ESRP1: variants seen among roughly 807,000 people sequenced by gnomAD.
ESRP1 encodes the protein epithelial splicing regulatory protein 1.
In ESRP1, 33 loss-of-function variants were observed where a neutral mutation model predicts 81.7. The ratio of observed to expected loss-of-function variants is 0.40; its 90% CI spans 0.31 to 0.54. The LOEUF is 0.54. Among genes scored for constraint, ESRP1 ranks in the 20% least tolerant of loss-of-function variants. The pLI, the probability that ESRP1 is intolerant of heterozygous loss-of-function variation, is 0.41. For synonymous variants in ESRP1, 320 were observed against 303.3 expected (o/e 1.06, Z -0.57); for missense variants, 672 against 833.1 (o/e 0.81, Z 2.38).
intron 4 of ESRP1, chr8:94,649,526 TC>T (rs1386871785): frequency 4.6e-5 from 7 of 152,152 alleles, no homozygotes; most frequent in Non-Finnish European, 1.0e-4. Flanking sequence ...ATTATTTCTT[TC>T]TTTGAGACAG....
At chr8:94,690,047 T>A (rs1001295120) in intron 13 of ESRP1, among the ~76,000 whole-genome samples, 56 of 151,798 alleles carry the variant, frequency 3.7e-4, no homozygotes, top group African/African-American at 1.3e-3. Context: ...CTCGATCTCT[T>A]GACCTCATGA....
chr8:94,665,739 C>T (rs1306555996), intron 9 of ESRP1, among the ~76,000 whole-genome samples: 2 of 152,222 alleles, frequency 1.3e-5, no homozygotes, highest in Non-Finnish European at 2.9e-5. Flanking sequence ...ATTGATCCTC[C>T]TGCCTCAGCC....
At chr8:94,675,688 T>C (rs1461112960) in intron 12 of ESRP1, among the ~76,000 whole-genome samples, 3 of 152,310 alleles carry the variant, frequency 2.0e-5, no homozygotes, top group Admixed American at 1.3e-4. Context: ...TGTCAAACAT[T>C]GTAAGATAAA....
chr8:94,681,232 A>C (rs948068828), intron 13 of ESRP1, among the ~76,000 whole-genome samples: 1 of 147,432 alleles, frequency 6.8e-6, no homozygotes, highest in Non-Finnish European at 1.5e-5. Context: ...AGGCTGAGGC[A>C]GGAGAATGGC....
Position 94,641,286 on chromosome 8 carries a change from C to T in ESRP1, c.-33C>T. On this transcript the variant is annotated 5_prime_UTR_variant, in exon 1 of 16. Coordinates refer to ENST00000433389, the MANE Select transcript of ESRP1 (RefSeq NM_017697.4). ...ACTTCCACACCACCTTACCGCCTCCCGACCCCCCCTCTCCCCCTCCCCACC... is the reference window on the plus strand; with the variant it reads ...ACTTCCACACCACCTTACCGCCTCCTGACCCCCCCTCTCCCCCTCCCCACC... 2.5e-6 allele frequency: 4 copies of T among 1,585,610 alleles called. No individual in the cohort carries two copies. Among genetic ancestry groups the T allele is most frequent in the Non-Finnish European group, 2.6e-6 (3 of 1,158,498 alleles).
Position 94,646,285 on chromosome 8 carries a change from A to G in ESRP1, c.490+3A>G. ...GGACGTTGCCACAATGACAGAGTGT[A>G]TCCTTTAAATCATTACTCAAGAATC... On this transcript the variant is annotated splice_donor_region_variant and intron_variant, in intron 4 of 15. Transcript: ENST00000433389. The G allele has an allele frequency of 6.5e-7, 1 of 1,534,776 alleles. No homozygotes were observed. Among genetic ancestry groups the G allele is most frequent in the South Asian group, 1.2e-5 (1 of 86,376 alleles).
chr8:94,696,758 T>A lies in ESRP1; in HGVS notation c.1972-94T>A, dbSNP rs1809620971. The A allele has an allele frequency of 4.3e-6, 4 of 934,804 alleles. No individual in the cohort carries two copies. In the East Asian group the frequency reaches 7.9e-5, roughly 19 times the overall value. The allele number at this position is 934,804 out of a possible 1,614,324, so 57.9% of individuals were successfully genotyped here. A position where few individuals can be genotyped will look rare whatever the true frequency, so the allele number is the denominator to read the frequency against. On this transcript the variant is annotated intron_variant, in intron 14 of 15. Coordinates refer to ENST00000433389, the MANE Select transcript of ESRP1 (RefSeq NM_017697.4). ...TTTGTTTCCTCCTATCTAAATGTCC[T>A]ATACTTTTGTTGGTAGATCTATTTA... is the stretch of plus-strand genomic sequence containing the variant.
At chr8:94,700,937 ATGTGTGTGTGTGTGTATGTG>A (rs1416410573) in intron 15 of ESRP1, among the ~76,000 whole-genome samples, 10 of 125,740 alleles carry the variant, frequency 8.0e-5, no homozygotes, top group African/African-American at 2.2e-4. Context: ...TCAAAAAAAA[ATGTGTGTGTGTGTGTATGTG>A]TGTGTGTGTG....
At chr8:94,698,773 C>G (rs1809702216) in intron 15 of ESRP1, among the ~76,000 whole-genome samples, 1 of 152,136 alleles carries the variant, frequency 6.6e-6, no homozygotes, top group African/African-American at 2.4e-5. Flanking sequence ...GGATTCTAAA[C>G]TGGAAATGAG....
At chr8:94,699,774 C>G (rs1809745837) in intron 15 of ESRP1, among the ~76,000 whole-genome samples, 1 of 152,078 alleles carries the variant, frequency 6.6e-6, no homozygotes, top group Non-Finnish European at 1.5e-5. Flanking sequence ...AACAGAGAGA[C>G]AGGTATAAAG....
chr8:94,644,619 C>A (rs1340182658), intron 3 of ESRP1, among the ~76,000 whole-genome samples: 3 of 152,126 alleles, frequency 2.0e-5, no homozygotes, highest in African/African-American at 4.8e-5. Flanking sequence ...GACGGAAGGA[C>A]AAGACTTAAT....
intron 14 of ESRP1, among the ~76,000 whole-genome samples, chr8:94,695,934 A>G (rs1359844003): frequency 1.3e-5 from 2 of 152,108 alleles, no homozygotes; most frequent in Non-Finnish European, 2.9e-5. Context: ...ATGGTGGTGC[A>G]TGCCTGTAGT....
intron 14 of ESRP1, among the ~76,000 whole-genome samples, chr8:94,695,419 A>G (rs1809565737): frequency 1.6e-5 from 2 of 126,800 alleles, no homozygotes; most frequent in South Asian, 2.5e-4. Context: ...CAGTGGCGCA[A>G]TCTCGGCTCA....
intron 15 of ESRP1, among the ~76,000 whole-genome samples, chr8:94,703,294 A>T (rs1280393608): frequency 6.6e-6 from 1 of 151,992 alleles, no homozygotes; most frequent in Non-Finnish European, 1.5e-5. Context: ...AGCTGGGACT[A>T]CAAGCACACA....
chr8:94,696,787 G>A, intron 14 of ESRP1, 65 bp from the exon 15 acceptor site: 1 of 1,277,546 alleles, frequency 7.8e-7, no homozygotes, highest in African/African-American at 1.5e-5. Flanking sequence ...CTATTTAGCT[G>A]AAATATTATC....
intron 4 of ESRP1, among the ~76,000 whole-genome samples, chr8:94,647,802 A>T (rs984308013): frequency 6.6e-6 from 1 of 152,276 alleles, no homozygotes; most frequent in Admixed American, 6.5e-5. Flanking sequence ...CTGAAAAATT[A>T]GAAGGCAGTG....
intron 15 of ESRP1, among the ~76,000 whole-genome samples, chr8:94,700,389 G>A (rs1020867414): frequency 1.3e-5 from 2 of 152,168 alleles, no homozygotes; most frequent in Admixed American, 6.5e-5. Flanking sequence ...CAGAAGAGGA[G>A]GCAGCAATGT....
At chr8:94,642,144 G>A (rs1817633956) in intron 2 of ESRP1, 60 bp downstream of exon 2, 2 of 1,572,838 alleles carry the variant, frequency 1.3e-6, no homozygotes, top group African/African-American at 1.3e-5. Flanking sequence ...CGCACCCTAC[G>A]CCCTCTCAGG....
At chr8:94,644,487 C>T (rs1353225921) in intron 3 of ESRP1, among the ~76,000 whole-genome samples, 1 of 152,082 alleles carries the variant, frequency 6.6e-6, no homozygotes, top group Non-Finnish European at 1.5e-5. Context: ...TTATACGAGT[C>T]TTAGTAATTA....
Sources: gnomAD v4.1 joint callset for allele counts (sites outside exome capture counted in the v4.1 genomes callset) on GRCh38, gnomAD v4.1.1 for gene constraint, MANE v1.5 for transcripts, NCBI Gene and HGNC (gene_info 2026-07-23, HGNC 2026-07-21) for gene names.